Variants in NBPF9 observed in about 807,000 individuals in gnomAD.
The protein encoded by NBPF9 is NBPF member 9.
A neutral mutation model predicts 97.8 loss-of-function variants in NBPF9; 91 were observed. The ratio of observed to expected loss-of-function variants is 0.93; its 90% CI spans 0.79 to 1.11. NBPF9 has a LOEUF of 1.11. Among genes scored for constraint, NBPF9 ranks in the 50% least tolerant of loss-of-function variants. The pLI is 0.00. For synonymous variants in NBPF9, 334 were observed against 359.5 expected, an observed-to-expected ratio of 0.93 and a Z score of 0.80; for missense variants, 992 against 939.5, an observed-to-expected ratio of 1.06 and a Z score of -0.73.
chr1:149,077,914 C>G lies in NBPF9; in HGVS notation c.535G>C (p.Asp179His), dbSNP rs1199082245. Residue 179 changes from aspartate to histidine, a missense_variant, in exon 10 of 30, where the codon GAT becomes CAT. Coordinates refer to ENST00000584027, the Ensembl canonical transcript of NBPF9. ...GCAGATGATTCCAGTACTTTCTCAT[C>G]CTCCTCAACTTGAACATCTTCATCC... 2 of 1,494,284 alleles carry G rather than the reference C, an allele frequency of 1.3e-6. 1 individual carries two copies. Among genetic ancestry groups the G allele is most frequent in the Non-Finnish European group, 1.9e-6 (2 of 1,075,498 alleles). The allele number at this position is 1,494,284 out of a possible 1,614,324, so 92.6% of individuals were successfully genotyped here.
intron 7 of NBPF9, among the ~76,000 whole-genome samples, chr1:149,081,286 C>T (rs1457190352): frequency 1.3e-5 from 2 of 152,032 alleles, no homozygotes; most frequent in African/African-American, 4.8e-5. Context: ...CGCCCATCTA[C>T]TTTTTGTATT....
intron 23 of NBPF9, chr1:149,060,994 C>T: frequency 2.4e-6 from 1 of 417,140 alleles, no homozygotes; most frequent in Non-Finnish European, 4.4e-6. Flanking sequence ...AGTAACAGGA[C>T]ACTCTGAGTT....
At position 149,087,828 on chromosome 1, in the gene NBPF9, CTTTTTTTT is replaced by C. The variant is rs60084667; in HGVS notation, c.-195+2917_-195+2924del. 1.0e-4 allele frequency among the ~76,000 whole-genome samples: 9 copies of C among 88,556 alleles called. No individual in the cohort carries two copies. In the South Asian group the frequency reaches 3.8e-3, roughly 38 times the overall value. 58.1% of individuals were successfully genotyped at this position (88,556 alleles called of 152,430 possible). ...CCTTACATAAATTTTGTTGACTTTC[CTTTTTTTT>C]TTTTTTTTTTTTTTGAGACAGAGTC... On this transcript the variant is annotated intron_variant, in intron 5 of 29. Transcript: ENST00000584027.
At chr1:149,055,664 G>C in exon 30 of NBPF9, 1 of 1,605,154 alleles carries the variant, frequency 6.2e-7, no homozygotes, top group Non-Finnish European at 8.5e-7. Context: ...GCTTATTGTG[G>C]GAATATGACT....
rs1260497557 is a variant in NBPF9, at chr1:149,061,202, C to T, written c.2303+130G>A. On this transcript the variant is annotated intron_variant, in intron 23 of 29. Transcript: ENST00000584027. Reference sequence around the variant, plus strand: ...TATCTACTGCAATGAAAACCAACAGCAATGTTAGTAGGAATAATTCAGGCT... The same window carrying T: ...TATCTACTGCAATGAAAACCAACAGTAATGTTAGTAGGAATAATTCAGGCT... The T allele has an allele frequency of 9.5e-6, 3 of 317,158 alleles. 1 individual carries two copies. The highest frequency in any genetic ancestry group is 9.4e-5 in the African/African-American group (3 of 31,796). 19.6% of individuals were successfully genotyped at this position (317,158 alleles called of 1,614,324 possible).
chr1:149,082,779 T>C (rs587594181), intron 5 of NBPF9, among the ~76,000 whole-genome samples: 1 of 149,108 alleles, frequency 6.7e-6, no homozygotes, highest in African/African-American at 2.5e-5. Flanking sequence ...TCTCTTGTTT[T>C]GACTTTTTTT....
intron 5 of NBPF9, among the ~76,000 whole-genome samples, chr1:149,085,180 C>T (rs1282346160): frequency 6.6e-6 from 1 of 152,074 alleles, no homozygotes; most frequent in Non-Finnish European, 1.5e-5. Context: ...CACCTTCCCC[C>T]ACCCATACCC....
rs1319585695 is a variant in NBPF9, at chr1:149,074,254, C to T, written c.989-384G>A. On this transcript the variant is annotated intron_variant, in intron 12 of 29. Transcript: ENST00000584027. Reference sequence around the variant, plus strand: ...TGATTTCTTGTACAGTCGGGAAGGCCCCTAGGACTATGGGACTGATGGTTT... The same window carrying T: ...TGATTTCTTGTACAGTCGGGAAGGCTCCTAGGACTATGGGACTGATGGTTT... Among the ~76,000 whole-genome samples the T allele has an allele frequency of 2.6e-5, 4 of 151,112 alleles. 1 individual carries two copies. The highest frequency in any genetic ancestry group is 5.9e-5 in the Non-Finnish European group (4 of 67,690).
exon 7 of NBPF9, chr1:149,082,076 C>G (rs782090381): frequency 1.6e-5 from 26 of 1,610,298 alleles, no homozygotes; most frequent in Non-Finnish European, 2.2e-5. Flanking sequence ...CGCAATTTCT[C>G]GTTGATTTCT....
intron 21 of NBPF9, 77 bp downstream of exon 21, chr1:149,062,785 C>G (rs1302767560): frequency 6.5e-6 from 5 of 770,120 alleles, no homozygotes; most frequent in Non-Finnish European, 1.2e-5. Flanking sequence ...TGAAATTGAA[C>G]ACACTCTTGT....
At chr1:149,098,068 G>A (rs1330084412) in intron 4 of NBPF9, among the ~76,000 whole-genome samples, 16 of 151,830 alleles carry the variant, frequency 1.1e-4, no homozygotes, top group African/African-American at 3.6e-4. Flanking sequence ...GAAAGCTGAA[G>A]AGGAGAAAGC....
At chr1:149,063,841 G>C (rs1461989650) in intron 19 of NBPF9, 36 bp from the exon 20 acceptor site, 5 of 679,676 alleles carry the variant, frequency 7.4e-6, no homozygotes, top group Non-Finnish European at 1.3e-5. Context: ...ATAAGCCAGG[G>C]GGAATCAGAA....
chr1:149,076,212 G>C (rs1365297053), intron 11 of NBPF9, among the ~76,000 whole-genome samples: 10 of 150,810 alleles, frequency 6.6e-5, no homozygotes, highest in African/African-American at 2.2e-4. Flanking sequence ...TGGTTTTTTT[G>C]TTTGAGACAG....
intron 7 of NBPF9, among the ~76,000 whole-genome samples, chr1:149,081,447 A>G (rs2080431071): frequency 1.3e-5 from 2 of 149,576 alleles, no homozygotes; most frequent in Non-Finnish European, 3.0e-5. Flanking sequence ...GCTGTCACTT[A>G]TAGGTAGCAC....
At chr1:149,084,286 C>T (rs1189462424) in intron 5 of NBPF9, among the ~76,000 whole-genome samples, 1 of 146,154 alleles carries the variant, frequency 6.8e-6, no homozygotes, top group Non-Finnish European at 1.5e-5. Context: ...ATTATATATA[C>T]ACATATATAC....
At chr1:149,087,824 TTTCC>T (rs2081134884) in intron 5 of NBPF9, among the ~76,000 whole-genome samples, 2 of 141,908 alleles carry the variant, frequency 1.4e-5, no homozygotes, top group Admixed American at 7.1e-5. Context: ...TTTTGTTGAC[TTTCC>T]TTTTTTTTTT....
exon 23 of NBPF9, chr1:149,061,333 T>C: frequency 4.9e-6 from 2 of 409,530 alleles, no homozygotes; most frequent in East Asian, 7.4e-5. Flanking sequence ...CTCAGTTACC[T>C]GGGGCATGGT....
At chr1:149,070,782 T>C (rs1275091899) in intron 16 of NBPF9, among the ~76,000 whole-genome samples, 152 bp downstream of exon 16, 10 of 152,106 alleles carry the variant, frequency 6.6e-5, no homozygotes, top group African/African-American at 2.4e-4. Flanking sequence ...AGGCATGACA[T>C]TAGCTGAGAA....
exon 7 of NBPF9, chr1:149,082,161 G>C: frequency 6.2e-7 from 1 of 1,612,090 alleles, no homozygotes; most frequent in Non-Finnish European, 8.5e-7. Flanking sequence ...TGGCAGAAGA[G>C]GTGGGGCCAG....
Sources: gnomAD v4.1 joint callset for allele counts (sites outside exome capture counted in the v4.1 genomes callset) on GRCh38, gnomAD v4.1.1 for gene constraint, MANE v1.5 for transcripts, NCBI Gene and HGNC (gene_info 2026-07-23, HGNC 2026-07-21) for gene names.